SEMA6A: variants seen among roughly 807,000 people sequenced by gnomAD.
SEMA6A encodes the protein semaphorin-6A.
In SEMA6A, 25 loss-of-function variants were observed where a neutral mutation model predicts 96.8. That is an observed-to-expected ratio of 0.26 (90% confidence interval 0.19 to 0.36). The LOEUF (loss-of-function observed/expected upper bound fraction) is 0.36. Ranked by LOEUF, SEMA6A falls within the 10% of genes least tolerant of loss-of-function variation. SEMA6A has a pLI of 1.00. For missense variants in SEMA6A, 1,363 were observed against 1,323.1 expected, an observed-to-expected ratio of 1.03 and a Z score of -0.47; for synonymous variants, 612 against 518.0, an observed-to-expected ratio of 1.18 and a Z score of -2.46.
chr5:116,532,062 G>C (rs1337871416), intron 1 of SEMA6A, among the ~76,000 whole-genome samples: 3 of 152,152 alleles, frequency 2.0e-5, no homozygotes, highest in African/African-American at 7.2e-5. Context: ...CACCATTACT[G>C]TATTTACAAG....
chr5:116,491,732 TC>T lies in SEMA6A; in HGVS notation c.535+7del. 1 of 1,611,484 alleles carries T rather than the reference TC, an allele frequency of 6.2e-7. No homozygotes were observed. Among genetic ancestry groups the T allele is most frequent in the Non-Finnish European group, 8.5e-7 (1 of 1,177,792 alleles). ...GCAAGTGCAACGAGGAGAAATCAGGTCGCTTACCTGCAAACAGTGCAACGTT... is the reference window on the plus strand; with the variant it reads ...GCAAGTGCAACGAGGAGAAATCAGGTGCTTACCTGCAAACAGTGCAACGTT... On this transcript the variant is annotated splice_region_variant and intron_variant, in intron 7 of 18. Coordinates refer to ENST00000343348, the MANE Select transcript of SEMA6A (RefSeq NM_020796.5).
intron 10 of SEMA6A, 199 bp downstream of exon 10, chr5:116,486,550 C>G (rs1358283312): frequency 1.9e-6 from 1 of 539,036 alleles, no homozygotes; most frequent in Non-Finnish European, 3.3e-6. Context: ...TATCTAATTA[C>G]TTCCCCTAAA....
intron 1 of SEMA6A, among the ~76,000 whole-genome samples, chr5:116,559,041 G>T (rs570617185): frequency 3.9e-4 from 59 of 152,250 alleles, no homozygotes; most frequent in African/African-American, 1.2e-3. Context: ...TTTAGCGCTT[G>T]GTCCTCCTGC....
intron 1 of SEMA6A, among the ~76,000 whole-genome samples, chr5:116,525,386 T>G (rs1291349154): frequency 6.6e-6 from 1 of 152,122 alleles, no homozygotes; most frequent in African/African-American, 2.4e-5. Flanking sequence ...CCATGAAGAG[T>G]TATTTAATTA....
intron 2 of SEMA6A, 194 bp from the exon 3 acceptor site, chr5:116,502,521 A>C (rs1757934315): frequency 1.9e-6 from 1 of 522,342 alleles, no homozygotes; most frequent in Non-Finnish European, 3.4e-6. Flanking sequence ...TCATCAAGTT[A>C]CACTTTCATT....
chr5:116,543,157 C>T (rs1760047124), intron 1 of SEMA6A, among the ~76,000 whole-genome samples: 1 of 152,156 alleles, frequency 6.6e-6, no homozygotes, highest in Non-Finnish European at 1.5e-5. Flanking sequence ...ATGACTATAA[C>T]CGGATTCCTT....
chr5:116,573,995 G>A (rs1014483591), intron 1 of SEMA6A, among the ~76,000 whole-genome samples, 190 bp downstream of exon 1: 5 of 151,840 alleles, frequency 3.3e-5, no homozygotes, highest in African/African-American at 1.2e-4. Flanking sequence ...GCGCAGGGCA[G>A]AGAGGAAAGG....
chr5:116,476,623 A>C (rs1351924355), intron 15 of SEMA6A, among the ~76,000 whole-genome samples: 1 of 152,198 alleles, frequency 6.6e-6, no homozygotes, highest in Non-Finnish European at 1.5e-5. Context: ...AACCTTAAGG[A>C]AACTATTTTG....
chr5:116,456,259 A>T (rs983352192), intron 18 of SEMA6A, among the ~76,000 whole-genome samples: 5 of 152,222 alleles, frequency 3.3e-5, no homozygotes, highest in Non-Finnish European at 7.3e-5. Flanking sequence ...AGTCCTGCCC[A>T]AAGTTTCAGC....
At chr5:116,530,913 T>C (rs1759440540) in intron 1 of SEMA6A, among the ~76,000 whole-genome samples, 1 of 152,218 alleles carries the variant, frequency 6.6e-6, no homozygotes, top group Non-Finnish European at 1.5e-5. Flanking sequence ...GCTCTTGATG[T>C]GTAATGACTC....
Position 116,504,836 on chromosome 5 carries a change from G to C in SEMA6A, c.100+9C>G, listed in dbSNP as rs562355468. On this transcript the variant is annotated intron_variant, in intron 2 of 18. Transcript: ENST00000343348. ...AAGGGAGACACTGAGTGAGACCATG[G>C]GTACTTACAGTTGCCATGCGAAATA... 9 of 1,582,712 alleles carry C rather than the reference G, an allele frequency of 5.7e-6. No homozygotes were observed. In the East Asian group the frequency reaches 1.6e-4, roughly 28 times the overall value.
intron 1 of SEMA6A, among the ~76,000 whole-genome samples, chr5:116,541,630 C>A (rs1013092313): frequency 3.9e-5 from 6 of 152,078 alleles, no homozygotes; most frequent in Admixed American, 2.6e-4. Flanking sequence ...GTCAGGAGAT[C>A]GAGACCAGCC....
chr5:116,522,379 C>T (rs566527941), intron 1 of SEMA6A, among the ~76,000 whole-genome samples: 3 of 152,040 alleles, frequency 2.0e-5, no homozygotes, highest in Non-Finnish European at 4.4e-5. Context: ...AGGATTTTTC[C>T]CAGGATCCCG....
chr5:116,555,735 G>A (rs1323021660), intron 1 of SEMA6A, among the ~76,000 whole-genome samples: 2 of 152,042 alleles, frequency 1.3e-5, no homozygotes, highest in African/African-American at 2.4e-5. Context: ...AGCTACTCAG[G>A]AGGATCACTT....
intron 18 of SEMA6A, among the ~76,000 whole-genome samples, chr5:116,456,029 G>T (rs570855227): frequency 1.1e-3 from 173 of 152,294 alleles, no homozygotes; most frequent in Admixed American, 4.2e-3. Flanking sequence ...TTGACAAGTT[G>T]CCTGTCTTGT....
chr5:116,497,770 T>G (rs541554455), intron 3 of SEMA6A, among the ~76,000 whole-genome samples: 17 of 152,266 alleles, frequency 1.1e-4, no homozygotes, highest in African/African-American at 3.9e-4. Flanking sequence ...ACCAAATACT[T>G]GGTATTCAAC....
At chr5:116,465,591 G>A (rs1469796422) in intron 18 of SEMA6A, among the ~76,000 whole-genome samples, 1 of 152,160 alleles carries the variant, frequency 6.6e-6, no homozygotes, top group Non-Finnish European at 1.5e-5. Flanking sequence ...TATGTAGACT[G>A]CTTCCAGCTT....
chr5:116,502,568 T>C (rs1580445579), intron 2 of SEMA6A: 1 of 444,614 alleles, frequency 2.2e-6, no homozygotes, highest in East Asian at 3.9e-5. Context: ...TATTTCTAAG[T>C]GTCACAATTT....
intron 17 of SEMA6A, chr5:116,471,411 A>C (rs1756137709): frequency 6.6e-6 from 1 of 152,164 alleles, no homozygotes; most frequent in Non-Finnish European, 1.5e-5. Flanking sequence ...AATGCTGGGG[A>C]GGTTGCTGGT....
Sources: allele counts gnomAD v4.1 joint callset (sites outside exome capture counted in the v4.1 genomes callset), GRCh38; gene constraint gnomAD v4.1.1; transcripts MANE v1.5; gene names NCBI Gene and HGNC (gene_info 2026-07-23, HGNC 2026-07-21).